The following CSMD1 variants were observed in gnomAD, a reference collection of about 807,000 sequenced individuals.
CSMD1 encodes the protein CUB and Sushi multiple domains 1.
In CSMD1, 213 loss-of-function variants were observed where a neutral mutation model predicts 417.5. The observed-to-expected ratio is 0.51, with a 90% CI of 0.46 to 0.57. CSMD1 has a LOEUF of 0.57. Among genes scored for constraint, CSMD1 ranks in the 20% least tolerant of loss-of-function variants. CSMD1 has a pLI of 0.00. For synonymous variants in CSMD1, 2,862 were observed against 1,736.8 expected, an observed-to-expected ratio of 1.65 and a Z score of -16.11; for missense variants, 6,923 against 4,529.7, an observed-to-expected ratio of 1.53 and a Z score of -15.17.
At chr8:4,022,037 T>C (rs1292897584) in intron 4 of CSMD1, among the ~76,000 whole-genome samples, 2 of 151,468 alleles carry the variant, frequency 1.3e-5, no homozygotes, top group Non-Finnish European at 2.9e-5. Flanking sequence ...CAGGTGCCTA[T>C]ATTTTTCATT....
chr8:4,111,280 T>G lies in CSMD1; in HGVS notation c.416-79181A>C, dbSNP rs756216555. Among the ~76,000 whole-genome samples the G allele has an allele frequency of 1.1e-3, 175 of 152,264 alleles. 2 individuals are homozygous for G. The highest frequency in any genetic ancestry group is 2.4e-3 in the Admixed American group (37 of 15,294). On this transcript the variant is annotated intron_variant, in intron 3 of 69. Transcript: ENST00000635120. Reference sequence around the variant, plus strand: ...TCAGTTTGTTTTAGATATAGATCAGTGAAATCTTATGAGCAGAAGAATCTG... The same window carrying G: ...TCAGTTTGTTTTAGATATAGATCAGGGAAATCTTATGAGCAGAAGAATCTG...
At chr8:4,291,557 G>T (rs943092029) in intron 3 of CSMD1, among the ~76,000 whole-genome samples, 2 of 152,098 alleles carry the variant, frequency 1.3e-5, no homozygotes, top group African/African-American at 4.8e-5. Flanking sequence ...ATTGCTTAGT[G>T]TAGAAATTTT....
At chr8:3,325,578 C>T (rs28368194) in intron 23 of CSMD1, among the ~76,000 whole-genome samples, 2 of 151,988 alleles carry the variant, frequency 1.3e-5, no homozygotes, top group African/African-American at 4.8e-5. Flanking sequence ...AATCCCAGCA[C>T]TTTGGGAGGC....
intron 1 of CSMD1, among the ~76,000 whole-genome samples, chr8:4,766,753 C>G (rs1488483865): frequency 6.6e-6 from 1 of 152,138 alleles, no homozygotes; most frequent in East Asian, 1.9e-4. Flanking sequence ...TTCTTCACGC[C>G]TGATTTATGA....
intron 5 of CSMD1, among the ~76,000 whole-genome samples, chr8:3,867,072 C>A (rs180923308): frequency 1.3e-5 from 2 of 152,052 alleles, no homozygotes; most frequent in Non-Finnish European, 2.9e-5. Context: ...CTTTTCCAAC[C>A]AGTTTTTTAA....
At chr8:3,517,850 C>G (rs1042859929) in intron 10 of CSMD1, among the ~76,000 whole-genome samples, 1 of 152,100 alleles carries the variant, frequency 6.6e-6, no homozygotes, top group African/African-American at 2.4e-5. Flanking sequence ...CCTAGAAATC[C>G]TCAACTGCAG....
At chr8:3,380,457 C>T (rs1308083825) in intron 18 of CSMD1, among the ~76,000 whole-genome samples, 1 of 152,272 alleles carries the variant, frequency 6.6e-6, no homozygotes, top group Non-Finnish European at 1.5e-5. Flanking sequence ...TATTGCAGCC[C>T]TGTTCACAAT....
intron 5 of CSMD1, among the ~76,000 whole-genome samples, chr8:3,909,614 G>T (rs770326179): frequency 1.3e-5 from 2 of 152,006 alleles, no homozygotes; most frequent in Non-Finnish European, 2.9e-5. Flanking sequence ...CCTCTGTTAG[G>T]CTCAGGAGCT....
chr8:3,660,339 G>T (rs1031915419), intron 7 of CSMD1, among the ~76,000 whole-genome samples: 9 of 152,200 alleles, frequency 5.9e-5, no homozygotes, highest in Middle Eastern at 3.4e-3. Flanking sequence ...TTATTGACAG[G>T]ACTGAAAGTA....
chr8:4,687,594 A>G (rs1243344433), intron 1 of CSMD1, among the ~76,000 whole-genome samples: 1 of 152,202 alleles, frequency 6.6e-6, no homozygotes, highest in Non-Finnish European at 1.5e-5. Flanking sequence ...TTAACAAGAA[A>G]GGTAGTTACT....
At chr8:3,086,825 C>T (rs1814564815) in intron 49 of CSMD1, among the ~76,000 whole-genome samples, 1 of 152,242 alleles carries the variant, frequency 6.6e-6, no homozygotes, top group African/African-American at 2.4e-5. Context: ...AATTGGATGA[C>T]ATGTTTTTTA....
chr8:3,162,551 A>T (rs757976129), intron 37 of CSMD1, among the ~76,000 whole-genome samples: 1 of 152,196 alleles, frequency 6.6e-6, no homozygotes, highest in Non-Finnish European at 1.5e-5. Flanking sequence ...TGAGTATAGA[A>T]GATCCCAACT....
In CSMD1 at chr8:4,136,729, C is replaced by A. The variant is rs117998050; in HGVS notation, c.416-104630G>T. 3.7e-3 allele frequency among the ~76,000 whole-genome samples: 556 copies of A among 152,248 alleles called. 8 individuals carry two copies. Among genetic ancestry groups the A allele is most frequent in the Non-Finnish European group, 2.9e-3 (195 of 68,010 alleles). ...ACATCTTATGTAGCCATCAAGCCAACGGCTCTTGAAAGGTGTGCATGTGAA... is the reference window on the plus strand; with the variant it reads ...ACATCTTATGTAGCCATCAAGCCAAAGGCTCTTGAAAGGTGTGCATGTGAA... On this transcript the variant is annotated intron_variant, in intron 3 of 69. Transcript: ENST00000635120.
intron 3 of CSMD1, among the ~76,000 whole-genome samples, chr8:4,074,974 C>T (rs1373106643): frequency 2.6e-5 from 4 of 152,080 alleles, no homozygotes; most frequent in Non-Finnish European, 5.9e-5. Context: ...TCTGCCTTCC[C>T]TAATGGGATA....
chr8:4,915,607 C>T (rs924043267), intron 1 of CSMD1, among the ~76,000 whole-genome samples: 1 of 152,168 alleles, frequency 6.6e-6, no homozygotes, highest in Non-Finnish European at 1.5e-5. Context: ...CTGTTGCATC[C>T]GATTGAACTC....
chr8:4,005,735 T>C (rs753868512), intron 4 of CSMD1, among the ~76,000 whole-genome samples: 2 of 152,188 alleles, frequency 1.3e-5, no homozygotes, highest in Non-Finnish European at 2.9e-5. Context: ...CAGCTAAATA[T>C]GTGGAAGTGA....
chr8:3,484,087 T>C (rs1817890167), intron 11 of CSMD1, among the ~76,000 whole-genome samples: 1 of 152,194 alleles, frequency 6.6e-6, no homozygotes, highest in Non-Finnish European at 1.5e-5. Flanking sequence ...TTTATGGTAC[T>C]CTCAAACTTA....
chr8:4,312,810 G>T (rs1011692305), intron 3 of CSMD1, among the ~76,000 whole-genome samples: 1 of 152,120 alleles, frequency 6.6e-6, no homozygotes, highest in Non-Finnish European at 1.5e-5. Flanking sequence ...GGTGGTGGAG[G>T]TTGCAGTTAG....
At chr8:3,532,277 G>A (rs558778761) in intron 10 of CSMD1, among the ~76,000 whole-genome samples, 2 of 152,276 alleles carry the variant, frequency 1.3e-5, no homozygotes, top group Non-Finnish European at 2.9e-5. Context: ...CACTTCACAT[G>A]ATTCTGCATG....
Sources: gnomAD v4.1 joint callset for allele counts (sites outside exome capture counted in the v4.1 genomes callset) on GRCh38, gnomAD v4.1.1 for gene constraint, MANE v1.5 for transcripts, NCBI Gene and HGNC (gene_info 2026-07-23, HGNC 2026-07-21) for gene names.